SHC2: variants seen among roughly 807,000 people sequenced by gnomAD.
The protein encoded by SHC2 is SHC adaptor protein 2, also known as SHC-transforming protein 2.
Under a neutral mutation model 60.6 loss-of-function variants are expected in SHC2, and 62 were observed. That is an observed-to-expected ratio of 1.02 (90% CI 0.83 to 1.26). The LOEUF is 1.26. Ranked by LOEUF, SHC2 falls within the 50% of genes most tolerant of loss-of-function variation. The pLI is 0.00. For missense variants in SHC2, 873 were observed against 822.2 expected (o/e 1.06, Z -0.76); for synonymous variants, 375 against 372.4 (o/e 1.01, Z -0.08).
At chr19:417,844 G>A (rs1037128088) in intron 12 of SHC2, among the ~76,000 whole-genome samples, 5 of 152,210 alleles carry the variant, frequency 3.3e-5, no homozygotes, top group African/African-American at 9.6e-5. Context: ...GGCCGCGGCC[G>A]CATAGGGGAG....
chr19:428,576 C>T (rs1600282283), intron 9 of SHC2, among the ~76,000 whole-genome samples: 1 of 152,336 alleles, frequency 6.6e-6, no homozygotes, highest in African/African-American at 2.4e-5. Context: ...CACGTTTGAA[C>T]TGGCTTGAAT....
chr19:449,699 T>A (rs1328909101), intron 1 of SHC2, among the ~76,000 whole-genome samples: 1 of 151,946 alleles, frequency 6.6e-6, no homozygotes, highest in African/African-American at 2.4e-5. Context: ...AGGCGGAGGT[T>A]GCAATGAGCC....
At position 422,007 on chromosome 19, in the gene SHC2, G is replaced by A. The variant is rs2145688084; in HGVS notation, c.1620+139C>T. ...AACTTCATAAACATGGAAAGCTCCT[G>A]CATGCCCCGAGACCCTCGAGACCCT... is the stretch of plus-strand genomic sequence containing the variant. On this transcript the variant is annotated intron_variant, in intron 11 of 12. Coordinates refer to ENST00000264554, the MANE Select transcript of SHC2 (RefSeq NM_012435.3). This position sits in a 1 kb window ranked among gnomAD's most constrained non-coding sequence, Gnocchi z 5.0. The A allele has an allele frequency of 2.3e-6, 2 of 869,752 alleles. No homozygotes were observed. The highest frequency in any genetic ancestry group is 2.8e-5 in the East Asian group (1 of 35,986). 53.9% of individuals were successfully genotyped at this position (869,752 alleles called of 1,614,324 possible).
chr19:446,021 C>T lies in SHC2; in HGVS notation c.469-5089G>A, dbSNP rs1975042299. Among the ~76,000 whole-genome samples, 1 of 151,750 alleles carries T rather than the reference C, an allele frequency of 6.6e-6. No homozygotes were observed. The highest frequency in any genetic ancestry group is 1.5e-5 in the Non-Finnish European group (1 of 67,982). ...AGAGAGCCAAGATCACGCCACTGCA[C>T]TCGAGCCTGGGTGACAGAGGGAGAG... On this transcript the variant is annotated intron_variant, in intron 1 of 12. Coordinates refer to ENST00000264554, the MANE Select transcript of SHC2 (RefSeq NM_012435.3). This position sits in a 1 kb window ranked among gnomAD's most constrained non-coding sequence, Gnocchi z 5.4.
Position 453,130 on chromosome 19 carries a change from G to A in SHC2, c.468+7399C>T, listed in dbSNP as rs933399391. ...AGAGGACGGCGGCACAGAAAGATGG[G>A]AGAGACTGTGGTCACACCGTCCTGA... On this transcript the variant is annotated intron_variant, in intron 1 of 12. Transcript: ENST00000264554. This position sits in a 1 kb window ranked among gnomAD's most constrained non-coding sequence, Gnocchi z 6.3. 6.6e-6 allele frequency: 1 copy of A among 152,196 alleles called. No homozygotes were observed. Among genetic ancestry groups the A allele is most frequent in the Non-Finnish European group, 1.5e-5 (1 of 68,050 alleles). 9.4% of individuals were successfully genotyped at this position (152,196 alleles called of 1,614,324 possible).
intron 1 of SHC2, among the ~76,000 whole-genome samples, chr19:455,720 G>GT (rs1391567102): frequency 6.6e-6 from 1 of 152,220 alleles, no homozygotes. Flanking sequence ...TGTGGGCAGA[G>GT]TTGGTTCCCA....
intron 1 of SHC2, among the ~76,000 whole-genome samples, chr19:442,535 A>G (rs527700130): frequency 1.4e-3 from 36 of 25,460 alleles, no homozygotes; most frequent in Admixed American, 1.8e-3. Flanking sequence ...GGGTGGATGG[A>G]TGGGTGGGTG....
intron 9 of SHC2, among the ~76,000 whole-genome samples, chr19:429,833 C>A (rs949286187): frequency 6.6e-6 from 1 of 150,534 alleles, no homozygotes. Context: ...GACACAGTAC[C>A]TATACCCAAC....
chr19:424,594 G>C lies in SHC2; in HGVS notation c.1309+503C>G, dbSNP rs538994839. The stretch of plus-strand genomic sequence containing the variant: ...TCTGGCTTCCCCTGTTGACTGGAGG[G>C]CCTCACAGACGGGGCCGCAGCCTCC... On this transcript the variant is annotated intron_variant, in intron 10 of 12. Coordinates refer to ENST00000264554, the MANE Select transcript of SHC2 (RefSeq NM_012435.3). The surrounding 1 kb of genome is among the most constrained non-coding windows in gnomAD (Gnocchi z 4.5). Among the ~76,000 whole-genome samples the C allele has an allele frequency of 6.6e-6, 1 of 152,254 alleles. No homozygotes were observed. The highest frequency in any genetic ancestry group is 2.1e-4 in the South Asian group (1 of 4,824).
intron 1 of SHC2, among the ~76,000 whole-genome samples, chr19:443,978 CGGATGGTTGGAT>C (rs1568293729): frequency 1.0e-5 from 1 of 96,522 alleles, no homozygotes; most frequent in Non-Finnish European, 2.1e-5. Flanking sequence ...GATGGATGGA[CGGATGGTTGGAT>C]GGATGGACAG....
chr19:451,876 A>C (rs11085054), intron 1 of SHC2, among the ~76,000 whole-genome samples: 89,472 of 152,156 alleles, frequency 0.59, 29,091 homozygotes, highest in African/African-American at 0.89. Context: ...GGATTATAGG[A>C]ATGAGCCTCC....
chr19:417,572 G>C (rs1320945078), intron 12 of SHC2, among the ~76,000 whole-genome samples: 2 of 152,240 alleles, frequency 1.3e-5, no homozygotes, highest in African/African-American at 4.8e-5. Context: ...GCCGATCCCA[G>C]TGCCTGTCTC....
intron 4 of SHC2, among the ~76,000 whole-genome samples, chr19:437,207 T>C (rs1216442916): frequency 6.6e-6 from 1 of 152,174 alleles, no homozygotes; most frequent in Non-Finnish European, 1.5e-5. Flanking sequence ...TACTTGCTCG[T>C]TTGCGTGGTC....
intron 1 of SHC2, among the ~76,000 whole-genome samples, chr19:450,048 C>G (rs1410745908): frequency 6.6e-6 from 1 of 152,250 alleles, no homozygotes; most frequent in Non-Finnish European, 1.5e-5. Flanking sequence ...CCACTGGCCA[C>G]AGCCCCCGTC....
intron 11 of SHC2, among the ~76,000 whole-genome samples, chr19:420,280 C>T (rs992100582): frequency 2.6e-5 from 4 of 152,184 alleles, no homozygotes; most frequent in Non-Finnish European, 1.5e-5. Flanking sequence ...AAGCCCTGCC[C>T]CCTCCAGCTC....
chr19:431,237 T>C (rs1974581013), intron 8 of SHC2, among the ~76,000 whole-genome samples: 1 of 152,396 alleles, frequency 6.6e-6, no homozygotes, highest in East Asian at 1.9e-4. Context: ...TGCCACCTCG[T>C]CTAATGTGTC....
At chr19:448,635 A>G (rs1192263916) in intron 1 of SHC2, among the ~76,000 whole-genome samples, 1 of 152,158 alleles carries the variant, frequency 6.6e-6, no homozygotes, top group Non-Finnish European at 1.5e-5. Context: ...CTCCAGCACC[A>G]GTATCAGGAC....
In SHC2 at chr19:419,008, G is replaced by T; in HGVS notation, c.1669C>A (p.His557Asn). Residue 557 changes from histidine to asparagine, a missense_variant, in exon 12 of 13, where the codon CAC becomes AAC. By Grantham distance (68) the His-to-Asn change is moderately conservative. Coordinates refer to ENST00000264554, the MANE Select transcript of SHC2 (RefSeq NM_012435.3). ...ATGGGCTGCCCGTTCTGCAGGTGGT[G>T]GTCGATCAGGTGGCTGATGCTCTCA... is the stretch of plus-strand genomic sequence containing the variant. ...LFESISHLIDHHLQNGQPIVA... is the reference protein window; with the variant it reads ...LFESISHLIDNHLQNGQPIVA... The T allele has an allele frequency of 1.3e-6, 2 of 1,586,870 alleles. No individual in the cohort carries two copies. The highest frequency in any genetic ancestry group is 1.2e-5 in the South Asian group (1 of 86,814).
intron 1 of SHC2, among the ~76,000 whole-genome samples, chr19:447,408 G>T (rs1378142628): frequency 6.6e-6 from 1 of 152,240 alleles, no homozygotes; most frequent in African/African-American, 2.4e-5. Flanking sequence ...AGAACCGTGT[G>T]GCTGCACTAA....
Sources: gnomAD v4.1 joint callset for allele counts (sites outside exome capture counted in the v4.1 genomes callset) on GRCh38, gnomAD v4.1.1 for gene constraint, Gnocchi (gnomAD v3.1) non-coding constraint, MANE v1.5 for transcripts, NCBI Gene and HGNC (gene_info 2026-07-23, HGNC 2026-07-21) for gene names.